KLHL29: variants seen among roughly 807,000 people sequenced by gnomAD.
The protein encoded by KLHL29 is kelch-like protein 29.
Under a neutral mutation model 80.4 loss-of-function variants are expected in KLHL29, and 21 were observed. The ratio of observed to expected loss-of-function variants is 0.26; its 90% CI spans 0.19 to 0.38. The LOEUF is 0.38. Among genes scored for constraint, KLHL29 ranks in the 10% least tolerant of loss-of-function variants. KLHL29 has a pLI of 1.00. For synonymous variants in KLHL29, 511 were observed against 526.8 expected (o/e 0.97, Z 0.41); for missense variants, 867 against 1,223.9 (o/e 0.71, Z 4.35).
In KLHL29 at chr2:23,696,088, G is replaced by T; in HGVS notation, c.1879G>T (p.Glu627Ter). The T allele has an allele frequency of 6.4e-7, 1 of 1,551,786 alleles. No individual in the cohort carries two copies. Among genetic ancestry groups the T allele is most frequent in the Non-Finnish European group, 8.7e-7 (1 of 1,147,034 alleles). The change falls in exon 10 of 14, where the codon GAG becomes TAG. Residue 627 changes from glutamate (E) to a stop codon, truncating the protein, a stop_gained. Coordinates refer to ENST00000486442, the MANE Select transcript of KLHL29 (RefSeq NM_052920.2). LOFTEE classifies it high-confidence loss of function. This position sits in a 1 kb window ranked among gnomAD's most constrained non-coding sequence, Gnocchi z 5.5. ...PLASLPFYDR[E>*]FFSVVSAGDN... ...GGCCTCGCTGCCCTTCTATGACCGC[G>T]AGTTCTTCAGTGTAGTGAGTGCAGG... is the stretch of plus-strand genomic sequence containing the variant.
At chr2:23,481,681 C>T (rs1283917659) in intron 2 of KLHL29, among the ~76,000 whole-genome samples, 4 of 152,080 alleles carry the variant, frequency 2.6e-5, no homozygotes, top group African/African-American at 9.7e-5. Context: ...TTTGAGAGGC[C>T]GAGGCAGGCA....
chr2:23,547,625 G>A (rs771886944), intron 2 of KLHL29, among the ~76,000 whole-genome samples: 1 of 152,034 alleles, frequency 6.6e-6, no homozygotes, highest in Non-Finnish European at 1.5e-5. Flanking sequence ...AGCAGCAGTA[G>A]TACTTCTACC....
At chr2:23,553,258 G>A (rs973475089) in intron 2 of KLHL29, among the ~76,000 whole-genome samples, 4 of 152,244 alleles carry the variant, frequency 2.6e-5, no homozygotes, top group African/African-American at 7.2e-5. Context: ...GCCTGATGGC[G>A]AGGTGGCTGG....
rs1670650842 is a variant in KLHL29 at position 23,669,589 on chromosome 2, C to G, written c.941-14810C>G. On this transcript the variant is annotated intron_variant, in intron 5 of 13. Coordinates refer to ENST00000486442, the MANE Select transcript of KLHL29 (RefSeq NM_052920.2). The surrounding 1 kb of genome is among the most constrained non-coding windows in gnomAD (Gnocchi z 4.3). ...GGGGGCTCCCTGAGTGCTGGGTACC[C>G]CGTGAGCAGCACCCGTGGCCCGTGC... The G allele has an allele frequency of 6.6e-6, 1 of 152,262 alleles. No individual in the cohort carries two copies. The highest frequency in any genetic ancestry group is 1.9e-4 in the East Asian group (1 of 5,172). The allele number at this position is 152,262 out of a possible 1,614,324, so 9.4% of individuals were successfully genotyped here.
At chr2:23,593,405 TG>T (rs1274657215) in intron 3 of KLHL29, among the ~76,000 whole-genome samples, 1 of 152,192 alleles carries the variant, frequency 6.6e-6, no homozygotes, top group Non-Finnish European at 1.5e-5. Context: ...AAACAGGGCC[TG>T]CGGTGAATAG....
intron 1 of KLHL29, among the ~76,000 whole-genome samples, chr2:23,462,350 G>C (rs1664238240): frequency 6.6e-6 from 1 of 152,160 alleles, no homozygotes; most frequent in African/African-American, 2.4e-5. Flanking sequence ...TGGATGGCTG[G>C]CCTAGCCTGC....
chr2:23,496,507 G>A (rs1227099765), intron 2 of KLHL29, among the ~76,000 whole-genome samples: 2 of 152,180 alleles, frequency 1.3e-5, no homozygotes, highest in East Asian at 1.9e-4. Context: ...TGCTCCCACC[G>A]GAAAGATATG....
chr2:23,516,592 G>A (rs879053392), intron 2 of KLHL29, among the ~76,000 whole-genome samples: 4 of 152,212 alleles, frequency 2.6e-5, no homozygotes, highest in Admixed American at 2.0e-4. Flanking sequence ...GTCTAGCCAG[G>A]TAGCCCCATG....
At chr2:23,448,206 G>A (rs779792620) in intron 1 of KLHL29, among the ~76,000 whole-genome samples, 7 of 152,040 alleles carry the variant, frequency 4.6e-5, no homozygotes, top group African/African-American at 1.7e-4. Context: ...GATGTCCCCA[G>A]TCCCCAGAGT....
chr2:23,530,426 T>C (rs1666456014), intron 2 of KLHL29, among the ~76,000 whole-genome samples: 1 of 152,212 alleles, frequency 6.6e-6, no homozygotes, highest in Admixed American at 6.5e-5. Flanking sequence ...GCTGGAGACC[T>C]GTTTTAGGAG....
At chr2:23,386,373 C>T (rs1666182693) in intron 1 of KLHL29, among the ~76,000 whole-genome samples, 2 of 152,172 alleles carry the variant, frequency 1.3e-5, no homozygotes, top group Admixed American at 1.3e-4. Context: ...GGTAGATGAG[C>T]TCGAAAACCG....
At chr2:23,396,060 G>A (rs139116312) in intron 1 of KLHL29, among the ~76,000 whole-genome samples, 5 of 152,214 alleles carry the variant, frequency 3.3e-5, no homozygotes, top group Admixed American at 6.5e-5. Context: ...GACATGTCCC[G>A]TGATTTTATA....
intron 4 of KLHL29, among the ~76,000 whole-genome samples, chr2:23,639,578 C>T (rs909296440): frequency 6.6e-6 from 1 of 152,218 alleles, no homozygotes; most frequent in African/African-American, 2.4e-5. Flanking sequence ...AACCTGGGTA[C>T]TCTGATTCAT....
At chr2:23,519,133 T>C (rs1666023051) in intron 2 of KLHL29, among the ~76,000 whole-genome samples, 1 of 152,122 alleles carries the variant, frequency 6.6e-6, no homozygotes, top group Admixed American at 6.5e-5. Flanking sequence ...GTGGGGTCTG[T>C]GCCCAGAGGC....
intron 3 of KLHL29, among the ~76,000 whole-genome samples, chr2:23,563,900 G>A (rs934272783): frequency 2.0e-5 from 3 of 152,194 alleles, no homozygotes; most frequent in African/African-American, 7.2e-5. Context: ...ATTTGGGCAC[G>A]CTGCCCCCAG....
Position 23,457,994 on chromosome 2 carries a change from C to T in KLHL29, c.-153-17566C>T, listed in dbSNP as rs531975349. On this transcript the variant is annotated intron_variant, in intron 1 of 13. Coordinates refer to ENST00000486442, the MANE Select transcript of KLHL29 (RefSeq NM_052920.2). This position sits in a 1 kb window ranked among gnomAD's most constrained non-coding sequence, Gnocchi z 4.3. ...CGCCACTGCACTCCAGCCTGGGCGA[C>T]AGAGCGAGACTCTGTCTCAAAAAAT... Among the ~76,000 whole-genome samples the T allele has an allele frequency of 1.6e-4, 24 of 152,130 alleles. No individual in the cohort carries two copies. The highest frequency in any genetic ancestry group is 5.1e-4 in the African/African-American group (21 of 41,500).
intron 3 of KLHL29, among the ~76,000 whole-genome samples, chr2:23,631,432 T>C (rs1253562589): frequency 6.6e-6 from 1 of 152,246 alleles, no homozygotes; most frequent in Admixed American, 6.5e-5. Context: ...TAAACCATCA[T>C]GCAGTTTCCG....
chr2:23,426,262 T>C (rs1663002420), intron 1 of KLHL29, among the ~76,000 whole-genome samples: 1 of 152,214 alleles, frequency 6.6e-6, no homozygotes, highest in Non-Finnish European at 1.5e-5. Context: ...AACATTTATT[T>C]GTATCTGTTC....
chr2:23,657,718 T>C (rs557508995), intron 5 of KLHL29, among the ~76,000 whole-genome samples: 1 of 152,188 alleles, frequency 6.6e-6, no homozygotes, highest in African/African-American at 2.4e-5. Context: ...TTGGCTGGCA[T>C]CTCCTCACCC....
Sources: allele counts gnomAD v4.1 joint callset (sites outside exome capture counted in the v4.1 genomes callset), GRCh38; gene constraint gnomAD v4.1.1; non-coding constraint Gnocchi (gnomAD v3.1); transcripts MANE v1.5; gene names NCBI Gene and HGNC (gene_info 2026-07-23, HGNC 2026-07-21).